Variants in PLCB1 observed in about 807,000 individuals in gnomAD.
The protein encoded by PLCB1 is phospholipase C beta 1, also known as 1-phosphatidylinositol 4,5-bisphosphate phosphodiesterase beta-1.
PLCB1 carries 46 observed loss-of-function variants against 161.8 expected under a neutral mutation model. That is an observed-to-expected ratio of 0.28 (90% confidence interval 0.22 to 0.36). PLCB1 has a LOEUF of 0.36. Ranked by LOEUF, PLCB1 falls within the 10% of genes least tolerant of loss-of-function variation. PLCB1 has a pLI of 1.00. For missense variants in PLCB1, 1,016 were observed against 1,472.5 expected (o/e 0.69, Z 5.07); for synonymous variants, 517 against 503.7 (o/e 1.03, Z -0.35).
intron 23 of PLCB1, among the ~76,000 whole-genome samples, chr20:8,741,865 T>C (rs2123522349): frequency 6.6e-6 from 1 of 152,378 alleles, no homozygotes; most frequent in Non-Finnish European, 1.5e-5. Flanking sequence ...TCCATGCTAA[T>C]TAAAGGTGAT....
intron 2 of PLCB1, among the ~76,000 whole-genome samples, chr20:8,236,439 G>A (rs1043476807): frequency 6.6e-5 from 10 of 152,044 alleles, no homozygotes; most frequent in South Asian, 2.1e-4. Context: ...AGGCTAAGGC[G>A]GGAGGATCGC....
At chr20:8,420,423 G>A (rs1352755651) in intron 3 of PLCB1, among the ~76,000 whole-genome samples, 1 of 152,124 alleles carries the variant, frequency 6.6e-6, no homozygotes, top group African/African-American at 2.4e-5. Context: ...ACGTGTACAG[G>A]TTTGTTACAT....
intron 3 of PLCB1, among the ~76,000 whole-genome samples, chr20:8,485,176 A>C (rs768940415): frequency 6.6e-6 from 1 of 152,208 alleles, no homozygotes; most frequent in Non-Finnish European, 1.5e-5. Flanking sequence ...TTGTGGTCCA[A>C]ATCTGGAGGG....
intron 31 of PLCB1, among the ~76,000 whole-genome samples, chr20:8,804,755 C>T (rs777331363): frequency 3.3e-5 from 5 of 151,842 alleles, no homozygotes; most frequent in Non-Finnish European, 7.4e-5. Flanking sequence ...TTTGGGAGGC[C>T]GAGGTGGATG....
intron 3 of PLCB1, among the ~76,000 whole-genome samples, chr20:8,608,449 G>T (rs928587768): frequency 6.6e-6 from 1 of 152,112 alleles, no homozygotes; most frequent in Non-Finnish European, 1.5e-5. Context: ...TCAAGGAAAA[G>T]GGTATACCCA....
chr20:8,276,730 G>A (rs1029279342), intron 2 of PLCB1, among the ~76,000 whole-genome samples: 3 of 151,986 alleles, frequency 2.0e-5, no homozygotes, highest in Non-Finnish European at 2.9e-5. Context: ...GATAGGCCTC[G>A]AGTGCATCCT....
intron 27 of PLCB1, among the ~76,000 whole-genome samples, chr20:8,786,190 G>C (rs1983473125): frequency 6.6e-6 from 1 of 152,162 alleles, no homozygotes; most frequent in Admixed American, 6.5e-5. Flanking sequence ...AAGCCCTCTA[G>C]GGAAGGGAAG....
chr20:8,174,030 A>G (rs999669411), intron 2 of PLCB1, among the ~76,000 whole-genome samples: 10 of 152,188 alleles, frequency 6.6e-5, no homozygotes, highest in African/African-American at 2.4e-4. Context: ...TAAGATTTCT[A>G]TCACTGGAGT....
At chr20:8,799,622 A>T (rs1036636592) in intron 31 of PLCB1, among the ~76,000 whole-genome samples, 1 of 152,204 alleles carries the variant, frequency 6.6e-6, no homozygotes, top group Non-Finnish European at 1.5e-5. Flanking sequence ...ATTGTTTTCT[A>T]GAAACCAATA....
intron 2 of PLCB1, among the ~76,000 whole-genome samples, chr20:8,355,079 G>T (rs557599809): frequency 3.3e-5 from 5 of 152,260 alleles, no homozygotes; most frequent in South Asian, 2.1e-4. Context: ...GCTATGTGCT[G>T]TCAAATTACT....
chr20:8,267,222 T>TA (rs1568611169), intron 2 of PLCB1, among the ~76,000 whole-genome samples: 3 of 10,980 alleles, frequency 2.7e-4, no homozygotes, highest in Non-Finnish European at 0.023. Context: ...GTTGGCTTTG[T>TA]GCCAGATCCC....
At chr20:8,866,459 A>G (rs1195380618) in intron 31 of PLCB1, among the ~76,000 whole-genome samples, 1 of 152,232 alleles carries the variant, frequency 6.6e-6, no homozygotes, top group Non-Finnish European at 1.5e-5. Context: ...GATGGAATAC[A>G]TTACCCAAAT....
At chr20:8,590,583 G>T (rs367855299) in intron 3 of PLCB1, among the ~76,000 whole-genome samples, 7 of 152,042 alleles carry the variant, frequency 4.6e-5, no homozygotes, top group African/African-American at 1.7e-4. Context: ...GAGGTTACTT[G>T]GCTAAGATCA....
chr20:8,862,818 T>TC (rs1987301657), intron 31 of PLCB1, among the ~76,000 whole-genome samples: 1 of 152,080 alleles, frequency 6.6e-6, no homozygotes, highest in South Asian at 2.1e-4. Context: ...TCATTTGGGT[T>TC]CCCCCAGAAA....
At chr20:8,417,244 G>A (rs1208298775) in intron 3 of PLCB1, among the ~76,000 whole-genome samples, 3 of 150,036 alleles carry the variant, frequency 2.0e-5, no homozygotes, top group Non-Finnish European at 3.0e-5. Flanking sequence ...CCACCACCAT[G>A]CCCAGCTAAT....
intron 2 of PLCB1, among the ~76,000 whole-genome samples, chr20:8,317,892 A>G (rs890030141): frequency 1.3e-5 from 2 of 152,024 alleles, no homozygotes; most frequent in African/African-American, 2.4e-5. Context: ...TTCTTCTTTT[A>G]GTTTGTTTGA....
intron 3 of PLCB1, among the ~76,000 whole-genome samples, chr20:8,428,170 T>C (rs1039123210): frequency 6.6e-6 from 1 of 150,480 alleles, no homozygotes; most frequent in Non-Finnish European, 1.5e-5. Flanking sequence ...GTCTCTCTAA[T>C]AAAAAAAGAA....
At chr20:8,134,719 A>G (rs1337141892) in intron 1 of PLCB1, among the ~76,000 whole-genome samples, 1 of 152,154 alleles carries the variant, frequency 6.6e-6, no homozygotes, top group East Asian at 1.9e-4. Context: ...CATTGAGGGT[A>G]ATAGAGAGGA....
At chr20:8,436,953 C>A (rs772986638) in intron 3 of PLCB1, among the ~76,000 whole-genome samples, 9 of 152,078 alleles carry the variant, frequency 5.9e-5, no homozygotes, top group Non-Finnish European at 1.0e-4. Context: ...CCACACCCAG[C>A]TAATTTTTGT....
Sources: allele counts gnomAD v4.1 joint callset (sites outside exome capture counted in the v4.1 genomes callset), GRCh38; gene constraint gnomAD v4.1.1; transcripts MANE v1.5; gene names NCBI Gene and HGNC (gene_info 2026-07-23, HGNC 2026-07-21).